Variants in CDH13 observed in about 807,000 individuals in gnomAD.
CDH13 encodes the protein cadherin-13.
In CDH13, 24 loss-of-function variants were observed where a neutral mutation model predicts 63.8. The ratio of observed to expected loss-of-function variants is 0.38; its 90% CI spans 0.27 to 0.53. The LOEUF is 0.53. Among genes scored for constraint, CDH13 ranks in the 20% least tolerant of loss-of-function variants. CDH13 has a pLI of 0.85. For synonymous variants in CDH13, 503 were observed against 355.3 expected (o/e 1.42, Z -4.67); for missense variants, 1,049 against 903.1 (o/e 1.16, Z -2.07).
intron 6 of CDH13, among the ~76,000 whole-genome samples, chr16:83,382,570 A>T (rs1314783234): frequency 1.3e-5 from 2 of 152,088 alleles, no homozygotes; most frequent in East Asian, 3.9e-4. Flanking sequence ...CATAACCACC[A>T]TGCAAACCCA....
intron 6 of CDH13, among the ~76,000 whole-genome samples, chr16:83,471,367 C>G (rs1018465887): frequency 1.3e-5 from 2 of 150,792 alleles, no homozygotes; most frequent in Non-Finnish European, 2.9e-5. Context: ...CTCCACCCTC[C>G]GGGTTCAAAT....
chr16:82,670,486 G>A (rs543280329), intron 1 of CDH13, among the ~76,000 whole-genome samples: 280 of 152,278 alleles, frequency 1.8e-3, no homozygotes, highest in Non-Finnish European at 3.2e-3. Flanking sequence ...CATGTAGAAG[G>A]AAGTGTGGGT....
chr16:83,084,244 C>T lies in CDH13; in HGVS notation c.367-41141C>T, dbSNP rs376427304. Among the ~76,000 whole-genome samples, 88 of 152,206 alleles carry T rather than the reference C, an allele frequency of 5.8e-4. 1 individual carries two copies. The highest frequency in any genetic ancestry group is 2.0e-3 in the African/African-American group (84 of 41,542). On this transcript the variant is annotated intron_variant, in intron 3 of 13. Coordinates refer to ENST00000567109, the MANE Select transcript of CDH13 (RefSeq NM_001257.5). ...CTGAGGAAAAAGTGTGTGACTGTGG[C>T]GAATTTAGCAAGGGGTAGTCTGGAG...
intron 7 of CDH13, among the ~76,000 whole-genome samples, chr16:83,575,813 T>C (rs1315525824): frequency 6.6e-6 from 1 of 152,238 alleles, no homozygotes; most frequent in African/African-American, 2.4e-5. Context: ...ATGATTAATA[T>C]CTGCCTCCCA....
intron 1 of CDH13, among the ~76,000 whole-genome samples, chr16:82,849,190 A>C (rs1031421287): frequency 2.6e-5 from 4 of 152,178 alleles, no homozygotes; most frequent in African/African-American, 9.7e-5. Flanking sequence ...AAGTAAAGAA[A>C]CGATCCCTAT....
intron 5 of CDH13, among the ~76,000 whole-genome samples, chr16:83,315,273 A>C (rs560997353): frequency 7.9e-5 from 12 of 152,354 alleles, no homozygotes; most frequent in African/African-American, 2.9e-4. Context: ...TAACATTCAG[A>C]GTGCTGAGAA....
intron 6 of CDH13, among the ~76,000 whole-genome samples, chr16:83,347,710 C>G (rs1221003547): frequency 6.6e-6 from 1 of 152,196 alleles, no homozygotes; most frequent in Non-Finnish European, 1.5e-5. Context: ...AAGGCACAAT[C>G]AGTGTCTACG....
intron 6 of CDH13, among the ~76,000 whole-genome samples, chr16:83,469,632 C>T (rs2054917): frequency 0.44 from 66,912 of 151,970 alleles, 15,277 homozygotes; most frequent in Middle Eastern, 0.54. Flanking sequence ...GTAAGCATCT[C>T]TGTCTCCCAG....
intron 6 of CDH13, among the ~76,000 whole-genome samples, chr16:83,391,366 C>T (rs749729140): frequency 6.6e-6 from 1 of 151,956 alleles, no homozygotes; most frequent in Non-Finnish European, 1.5e-5. Context: ...CCACCACACC[C>T]AGCTAATTTT....
chr16:83,672,516 C>G (rs980199998), intron 9 of CDH13, among the ~76,000 whole-genome samples: 1 of 140,266 alleles, frequency 7.1e-6, no homozygotes, highest in Non-Finnish European at 1.5e-5. Flanking sequence ...CCTCCACCTC[C>G]TGGGTTCAAG....
chr16:82,870,821 G>A (rs2040318672), intron 2 of CDH13, among the ~76,000 whole-genome samples: 1 of 152,182 alleles, frequency 6.6e-6, no homozygotes, highest in South Asian at 2.1e-4. Flanking sequence ...TATGTAAAGG[G>A]TTTTGAATAG....
chr16:83,082,019 C>T (rs947269281), intron 3 of CDH13, among the ~76,000 whole-genome samples: 3 of 152,064 alleles, frequency 2.0e-5, no homozygotes, highest in Admixed American at 1.3e-4. Flanking sequence ...AGGCTGGTCT[C>T]GAACTCCCAA....
At chr16:83,396,011 A>G (rs2091880259) in intron 6 of CDH13, among the ~76,000 whole-genome samples, 1 of 152,000 alleles carries the variant, frequency 6.6e-6, no homozygotes, top group Admixed American at 6.6e-5. Context: ...TGTTCTCATC[A>G]TTTAGCTCCC....
intron 8 of CDH13, among the ~76,000 whole-genome samples, chr16:83,646,668 G>T (rs1911825231): frequency 8.0e-6 from 1 of 125,786 alleles, no homozygotes; most frequent in South Asian, 2.6e-4. Flanking sequence ...CTCCAGCCTG[G>T]GTGACAAGAG....
intron 2 of CDH13, among the ~76,000 whole-genome samples, chr16:82,898,464 G>T (rs1697580978): frequency 6.6e-6 from 1 of 152,238 alleles, no homozygotes; most frequent in Non-Finnish European, 1.5e-5. Context: ...GGCAGAGGTT[G>T]CAGTGAGCCA....
intron 10 of CDH13, among the ~76,000 whole-genome samples, chr16:83,687,156 T>G (rs1417183768): frequency 2.6e-5 from 4 of 151,974 alleles, no homozygotes; most frequent in African/African-American, 4.8e-5. Flanking sequence ...GAGGTTGCAG[T>G]GAGCCAAGAT....
chr16:83,435,254 G>A (rs1265135686), intron 6 of CDH13, among the ~76,000 whole-genome samples: 8 of 152,022 alleles, frequency 5.3e-5, no homozygotes, highest in African/African-American at 1.9e-4. Context: ...TTGTTGGCCA[G>A]GCTTGTCTCA....
chr16:83,195,458 A>C (rs748936960), intron 4 of CDH13, among the ~76,000 whole-genome samples: 1 of 152,166 alleles, frequency 6.6e-6, no homozygotes, highest in African/African-American at 2.4e-5. Flanking sequence ...GCAGAAGGCA[A>C]AGTGGGAGCA....
At chr16:83,260,127 C>CAG (rs1906798264) in intron 5 of CDH13, among the ~76,000 whole-genome samples, 1 of 150,862 alleles carries the variant, frequency 6.6e-6, no homozygotes, top group Admixed American at 6.6e-5. Context: ...CACACACACA[C>CAG]ACACACACAC....
Sources: allele counts gnomAD v4.1 joint callset (sites outside exome capture counted in the v4.1 genomes callset), GRCh38; gene constraint gnomAD v4.1.1; transcripts MANE v1.5; gene names NCBI Gene and HGNC (gene_info 2026-07-23, HGNC 2026-07-21).